DNM3: variants seen among roughly 807,000 people sequenced by gnomAD.
The protein encoded by DNM3 is dynamin-3.
Under a neutral mutation model 101.6 loss-of-function variants are expected in DNM3, and 47 were observed. The ratio of observed to expected loss-of-function variants is 0.46; its 90% CI spans 0.37 to 0.59. DNM3 has a LOEUF of 0.59. DNM3 is among the 20% of genes least tolerant of loss of function. The pLI, the probability that DNM3 is intolerant of heterozygous loss-of-function variation, is 0.00. For synonymous variants in DNM3, 385 were observed against 387.9 expected, an observed-to-expected ratio of 0.99 and a Z score of 0.09; for missense variants, 849 against 1,085.7, an observed-to-expected ratio of 0.78 and a Z score of 3.06.
At chr1:172,015,363 T>C (rs6667114) in intron 4 of DNM3, among the ~76,000 whole-genome samples, 45,731 of 152,076 alleles carry the variant, frequency 0.3, 8,607 homozygotes, top group African/African-American at 0.53. Flanking sequence ...TGGGAAGAAC[T>C]AATATCTTTG....
chr1:172,326,935 T>C (rs1001091854), intron 17 of DNM3, among the ~76,000 whole-genome samples: 32 of 152,130 alleles, frequency 2.1e-4, no homozygotes, highest in African/African-American at 7.5e-4. Flanking sequence ...TCACTTAACT[T>C]CAGTATTGTT....
rs149335871 is a variant in DNM3, at chr1:172,030,429, T to C, written c.590-1973T>C. ...ACCCAAGATGGATTAAAGACTTAAATGTAAGACCCAAAACCATAAAAACCA... is the reference window on the plus strand; with the variant it reads ...ACCCAAGATGGATTAAAGACTTAAACGTAAGACCCAAAACCATAAAAACCA... On this transcript the variant is annotated intron_variant, in intron 4 of 20. Transcript: ENST00000627582. Among the ~76,000 whole-genome samples the C allele has an allele frequency of 7.0e-3, 1,064 of 152,240 alleles. 5 individuals are homozygous for C. Among genetic ancestry groups the C allele is most frequent in the Middle Eastern group, 0.014 (4 of 294 alleles).
intron 14 of DNM3, among the ~76,000 whole-genome samples, chr1:172,239,594 C>T (rs1223220543): frequency 1.3e-5 from 2 of 152,048 alleles, no homozygotes; most frequent in Non-Finnish European, 2.9e-5. Context: ...TGCACTACCC[C>T]TCATGGGATT....
chr1:172,292,134 G>A (rs1244045198), intron 15 of DNM3, among the ~76,000 whole-genome samples: 2 of 152,090 alleles, frequency 1.3e-5, no homozygotes, highest in Non-Finnish European at 2.9e-5. Flanking sequence ...TTTGAATTTT[G>A]TATATTTTTC....
rs1051362940 is a variant in DNM3, at chr1:172,247,687, A to G, written c.1660-5886A>G. ...TATTTATTTATTTATTTATTTATTT[A>G]TTTATTTGTTTATTTTGAGACAGTT... On this transcript the variant is annotated intron_variant, in intron 14 of 20. Coordinates refer to ENST00000627582, the MANE Select transcript of DNM3 (RefSeq NM_015569.5). 4.7e-4 allele frequency among the ~76,000 whole-genome samples: 70 copies of G among 150,200 alleles called. 1 individual carries two copies. The highest frequency in any genetic ancestry group is 1.5e-3 in the African/African-American group (61 of 40,900).
chr1:172,136,527 G>C (rs2057238850), intron 14 of DNM3: 1 of 152,044 alleles, frequency 6.6e-6, no homozygotes, highest in African/African-American at 2.4e-5. Context: ...AGTAAATATT[G>C]AACTCTAATC....
At chr1:172,131,142 T>C in intron 13 of DNM3, 33 bp from the exon 14 acceptor site, 1 of 1,599,468 alleles carries the variant, frequency 6.3e-7, no homozygotes, top group Non-Finnish European at 8.6e-7. Flanking sequence ...TTTGTTAAAC[T>C]AAACACCTCT....
At chr1:171,890,523 T>C (rs2125170111) in intron 1 of DNM3, among the ~76,000 whole-genome samples, 1 of 152,346 alleles carries the variant, frequency 6.6e-6, no homozygotes, top group African/African-American at 2.4e-5. Flanking sequence ...ACTTACTCCC[T>C]GACTCACTGA....
intron 4 of DNM3, among the ~76,000 whole-genome samples, chr1:171,991,748 G>A (rs530927628): frequency 2.9e-4 from 44 of 152,314 alleles, no homozygotes; most frequent in Non-Finnish European, 5.7e-4. Context: ...AAGCTATCCA[G>A]GAGCTGCCAG....
At chr1:172,057,310 C>T (rs1171511144) in intron 10 of DNM3, among the ~76,000 whole-genome samples, 1 of 152,166 alleles carries the variant, frequency 6.6e-6, no homozygotes, top group South Asian at 2.1e-4. Flanking sequence ...TCTAGCAAGG[C>T]AGGCCAACGC....
intron 4 of DNM3, among the ~76,000 whole-genome samples, chr1:172,017,832 G>A (rs998356013): frequency 3.3e-5 from 5 of 152,094 alleles, no homozygotes; most frequent in South Asian, 2.1e-4. Flanking sequence ...GGATCCATCC[G>A]TTTCTTTGCA....
At chr1:172,394,620 A>G (rs2069813301) in intron 20 of DNM3, among the ~76,000 whole-genome samples, 1 of 152,186 alleles carries the variant, frequency 6.6e-6, no homozygotes, top group African/African-American at 2.4e-5. Context: ...TTGGGGCTCT[A>G]AATTGTTGAA....
At chr1:172,041,310 GC>G (rs1163674784) in intron 7 of DNM3, among the ~76,000 whole-genome samples, 1 of 152,150 alleles carries the variant, frequency 6.6e-6, no homozygotes, top group Non-Finnish European at 1.5e-5. Flanking sequence ...TATGCTGGAT[GC>G]CCCAGATTCC....
intron 1 of DNM3, among the ~76,000 whole-genome samples, chr1:171,851,163 G>T (rs2032909098): frequency 6.6e-6 from 1 of 152,178 alleles, no homozygotes; most frequent in Non-Finnish European, 1.5e-5. Flanking sequence ...GGTGGCCCTT[G>T]TTAATATTTC....
chr1:172,198,035 G>A (rs1219963723), intron 14 of DNM3, among the ~76,000 whole-genome samples: 4 of 152,100 alleles, frequency 2.6e-5, no homozygotes, highest in Non-Finnish European at 5.9e-5. Context: ...TAAAATGTTA[G>A]CTGTGGGTTT....
chr1:171,973,557 T>C (rs2044162999), intron 2 of DNM3, among the ~76,000 whole-genome samples: 1 of 152,006 alleles, frequency 6.6e-6, no homozygotes, highest in Admixed American at 6.5e-5. Context: ...CTGAAACCTA[T>C]GAAAGAGACA....
intron 12 of DNM3, among the ~76,000 whole-genome samples, chr1:172,088,072 G>A (rs2053654460): frequency 6.6e-6 from 1 of 152,186 alleles, no homozygotes; most frequent in South Asian, 2.1e-4. Flanking sequence ...CATCAAAACA[G>A]AATTCCATAC....
intron 13 of DNM3, among the ~76,000 whole-genome samples, chr1:172,112,613 A>T (rs919033746): frequency 6.6e-6 from 1 of 152,168 alleles, no homozygotes. Flanking sequence ...TGTCAAAGGA[A>T]TTGCTTTTTT....
intron 15 of DNM3, among the ~76,000 whole-genome samples, chr1:172,291,174 T>G (rs946570303): frequency 8.6e-5 from 13 of 152,036 alleles, no homozygotes; most frequent in African/African-American, 3.1e-4. Flanking sequence ...TCAAGATAAC[T>G]CAAGGAGTTT....
Sources: gnomAD v4.1 joint callset for allele counts (sites outside exome capture counted in the v4.1 genomes callset) on GRCh38, gnomAD v4.1.1 for gene constraint, MANE v1.5 for transcripts, NCBI Gene and HGNC (gene_info 2026-07-23, HGNC 2026-07-21) for gene names.